Variants in ANTXRL observed in about 807,000 individuals in gnomAD.
ANTXRL encodes anthrax toxin receptor-like.
ANTXRL carries 63 observed loss-of-function variants against 75.4 expected under a neutral mutation model. The observed-to-expected ratio is 0.84, with a 90% CI of 0.68 to 1.03. The LOEUF is 1.03. Ranked by LOEUF, ANTXRL falls within the 50% of genes least tolerant of loss-of-function variation. The pLI is 0.00. For missense variants in ANTXRL, 797 were observed against 789.4 expected (o/e 1.01, Z -0.12); for synonymous variants, 335 against 291.3 (o/e 1.15, Z -1.53).
intron 7 of ANTXRL, 114 bp downstream of exon 7, chr10:46,297,588 C>T: frequency 9.5e-7 from 1 of 1,058,062 alleles, no homozygotes; most frequent in Non-Finnish European, 1.4e-6. Flanking sequence ...TGAGTTGGGC[C>T]AACTCATGGC....
intron 9 of ANTXRL, among the ~76,000 whole-genome samples, chr10:46,300,969 T>A (rs1272217817): frequency 6.6e-6 from 1 of 151,006 alleles, no homozygotes; most frequent in African/African-American, 2.5e-5. Context: ...TGTTTGGCCA[T>A]GTTCCTTTAT....
At chr10:46,315,715 C>T (rs1399616640) in intron 16 of ANTXRL, among the ~76,000 whole-genome samples, 2 of 152,112 alleles carry the variant, frequency 1.3e-5, no homozygotes, top group Admixed American at 6.5e-5. Flanking sequence ...AATGTGCTGT[C>T]GAATTTAGAG....
intron 12 of ANTXRL, among the ~76,000 whole-genome samples, chr10:46,308,226 G>T (rs548090126): frequency 2.6e-5 from 4 of 152,252 alleles, no homozygotes; most frequent in African/African-American, 9.6e-5. Context: ...TCCATGCATG[G>T]ATCTGCAGGC....
chr10:46,302,452 C>G (rs1837810803), intron 9 of ANTXRL, among the ~76,000 whole-genome samples: 1 of 152,182 alleles, frequency 6.6e-6, no homozygotes, highest in African/African-American at 2.4e-5. Flanking sequence ...GTGCAAGGAC[C>G]AAGGCCTTTC....
chr10:46,313,605 T>TA (rs1838559122), intron 16 of ANTXRL, among the ~76,000 whole-genome samples: 3 of 152,148 alleles, frequency 2.0e-5, no homozygotes, highest in Non-Finnish European at 4.4e-5. Flanking sequence ...CCTTCCTTGG[T>TA]TCATTGCCTT....
chr10:46,328,534 C>G (rs782494937), intron 16 of ANTXRL, among the ~76,000 whole-genome samples: 6 of 152,150 alleles, frequency 3.9e-5, no homozygotes, highest in Non-Finnish European at 8.8e-5. Context: ...CCTATTTATA[C>G]TCCATTGCCA....
upstream of ANTXRL, chr10:46,286,481 C>T (rs1247132383): frequency 6.6e-6 from 1 of 152,156 alleles, no homozygotes. Context: ...AATTCCAGTG[C>T]CCAATCCTTC....
chr10:46,298,983 G>A (rs1396807073), intron 9 of ANTXRL, among the ~76,000 whole-genome samples: 3 of 151,904 alleles, frequency 2.0e-5, no homozygotes, highest in Non-Finnish European at 4.4e-5. Context: ...TTAGTGTGTT[G>A]TAACCTCACA....
At chr10:46,322,637 G>T (rs530581074) in intron 16 of ANTXRL, among the ~76,000 whole-genome samples, 49 of 152,238 alleles carry the variant, frequency 3.2e-4, no homozygotes, top group African/African-American at 1.2e-3. Context: ...TTCAGGACAA[G>T]TTGTGGGATG....
chr10:46,329,066 G>A (rs1839364550), intron 16 of ANTXRL, among the ~76,000 whole-genome samples: 1 of 152,158 alleles, frequency 6.6e-6, no homozygotes, highest in African/African-American at 2.4e-5. Flanking sequence ...GGCTACACTA[G>A]TGTGTGCCCA....
At chr10:46,318,524 TAAG>T (rs1204647971) in intron 16 of ANTXRL, among the ~76,000 whole-genome samples, 1 of 152,094 alleles carries the variant, frequency 6.6e-6, no homozygotes, top group African/African-American at 2.4e-5. Flanking sequence ...AATAGACAGT[TAAG>T]AATCATTAAG....
chr10:46,295,954 C>A, intron 3 of ANTXRL, 65 bp from the exon 4 acceptor site: 1 of 1,347,136 alleles, frequency 7.4e-7, no homozygotes, highest in Non-Finnish European at 1.0e-6. Context: ...TCCCGGAGAG[C>A]TTGGGAGCTG....
At position 46,328,026 on chromosome 10, in the gene ANTXRL, G is replaced by A. The variant is rs1308815591; in HGVS notation, c.1411-1573G>A. Among the ~76,000 whole-genome samples, 7 of 152,122 alleles carry A rather than the reference G, an allele frequency of 4.6e-5. No homozygotes were observed. The East Asian group carries it at 1.2e-3, about 25-fold the overall frequency. On this transcript the variant is annotated intron_variant, in intron 16 of 16. Transcript: ENST00000620264. ...GCCCTCCAGCCACAGGTGCTGAAGG[G>A]GATGCAGTTACAGTCCTCATGCTTG...
chr10:46,311,545 A>G lies in ANTXRL; in HGVS notation c.1209A>G (p.Pro403=). 6.5e-7 allele frequency: 1 copy of G among 1,533,554 alleles called. No homozygotes were observed. The allele number at this position is 1,533,554 out of a possible 1,614,324, so 95.0% of individuals were successfully genotyped here. The change falls in exon 15 of 17, where the codon CCA becomes CCG. Residue 403 remains proline (P), a synonymous_variant. Transcript: ENST00000620264. ...PEQEKPPSPP[P]PPPPPPPPLP... ...AGGAAAAACCACCATCACCACCACC[A>G]CCGCCTCCGCCTCCACCACCTCCAC...
At chr10:46,327,405 A>T (rs1206587557) in intron 16 of ANTXRL, among the ~76,000 whole-genome samples, 1 of 152,040 alleles carries the variant, frequency 6.6e-6, no homozygotes, top group African/African-American at 2.4e-5. Flanking sequence ...GGATTGTACT[A>T]AGAAGGAAGC....
Position 46,309,200 on chromosome 10 carries a change from C to A in ANTXRL, c.1132C>A (p.Gln378Lys), listed in dbSNP as rs1275767084. 9.1e-6 allele frequency: 14 copies of A among 1,535,302 alleles called. No homozygotes were observed. The highest frequency in any genetic ancestry group is 5.5e-5 in the African/African-American group (4 of 72,726). The part of the protein sequence containing the change: ...LCCVWRLCRK[Q>K]TVKEPPPVQK... ...TTGTGTCTGGCGGCTGTGCCGCAAG[C>A]AGGCAAGTGCTCCCTGCCCGCCCAG... The change falls in exon 13 of 17, where the codon CAG becomes AAG. Residue 378 changes from glutamine (Q) to lysine (K), a missense_variant and splice_region_variant. By Grantham distance (53) the Gln-to-Lys change is moderately conservative. Transcript: ENST00000620264.
upstream of ANTXRL, chr10:46,286,432 G>T (rs1377977472): frequency 6.6e-6 from 1 of 152,182 alleles, no homozygotes; most frequent in African/African-American, 2.4e-5. Flanking sequence ...GGGCCCTCCT[G>T]CCTAGGAGCC....
At chr10:46,287,605 T>A in intron 1 of ANTXRL, 95 bp downstream of exon 1, 1 of 1,438,180 alleles carries the variant, frequency 7.0e-7, no homozygotes, top group Non-Finnish European at 9.1e-7. Context: ...AGATGCAAGC[T>A]TCCGTCACAG....
chr10:46,316,863 T>C (rs1368003569), intron 16 of ANTXRL, among the ~76,000 whole-genome samples: 1 of 152,128 alleles, frequency 6.6e-6, no homozygotes, highest in Non-Finnish European at 1.5e-5. Flanking sequence ...GCAGGGAATT[T>C]TTCTGGGTAC....
Sources: gnomAD v4.1 joint callset for allele counts (sites outside exome capture counted in the v4.1 genomes callset) on GRCh38, gnomAD v4.1.1 for gene constraint, MANE v1.5 for transcripts, NCBI Gene and HGNC (gene_info 2026-07-23, HGNC 2026-07-21) for gene names.